MDGA2: variants seen among roughly 807,000 people sequenced by gnomAD.
MDGA2 encodes MAM domain containing glycosylphosphatidylinositol anchor 2.
A neutral mutation model predicts 117.8 loss-of-function variants in MDGA2; 40 were observed. The observed-to-expected ratio is 0.34, with a 90% CI of 0.26 to 0.44. The LOEUF (loss-of-function observed/expected upper bound fraction) is 0.44. MDGA2 is among the 20% of genes least tolerant of loss of function. MDGA2 has a pLI of 1.00. For missense variants in MDGA2, 1,123 were observed against 1,250.6 expected (o/e 0.90, Z 1.54); for synonymous variants, 452 against 439.0 (o/e 1.03, Z -0.37).
Position 46,976,863 on chromosome 14 carries a change from T to C in MDGA2, c.1820-19220A>G, listed in dbSNP as rs140134030. On this transcript the variant is annotated intron_variant, in intron 8 of 16. Coordinates refer to ENST00000399232, the MANE Select transcript of MDGA2 (RefSeq NM_001113498.3). ...TTCTTACTCATCTGCTCTCAAATTA[T>C]ATGCACCATTATTGAAACTAATGAG... Among the ~76,000 whole-genome samples, 579 of 152,078 alleles carry C rather than the reference T, an allele frequency of 3.8e-3. 8 individuals carry two copies. Among genetic ancestry groups the C allele is most frequent in the African/African-American group, 0.014 (568 of 41,552 alleles).
At chr14:47,227,176 C>T (rs1401027913) in intron 2 of MDGA2, among the ~76,000 whole-genome samples, 2 of 152,090 alleles carry the variant, frequency 1.3e-5, no homozygotes, top group Non-Finnish European at 2.9e-5. Flanking sequence ...TGTTACCTCA[C>T]TAGGACTTTT....
chr14:47,429,697 G>A (rs773582918), intron 1 of MDGA2, among the ~76,000 whole-genome samples: 1 of 151,872 alleles, frequency 6.6e-6, no homozygotes, highest in South Asian at 2.1e-4. Context: ...TTTATTCATT[G>A]TAAGACATTT....
At chr14:47,409,038 G>T (rs993372786) in intron 1 of MDGA2, among the ~76,000 whole-genome samples, 1 of 152,156 alleles carries the variant, frequency 6.6e-6, no homozygotes, top group African/African-American at 2.4e-5. Flanking sequence ...GGAGTGGATT[G>T]GTGGAAGACG....
chr14:47,091,561 A>G (rs921422043), intron 6 of MDGA2, among the ~76,000 whole-genome samples: 1 of 152,128 alleles, frequency 6.6e-6, no homozygotes, highest in Non-Finnish European at 1.5e-5. Flanking sequence ...AGCAAGTAAA[A>G]ATGGGAGTCA....
intron 1 of MDGA2, among the ~76,000 whole-genome samples, chr14:47,500,212 A>C (rs557406480): frequency 6.6e-6 from 1 of 152,114 alleles, no homozygotes; most frequent in African/African-American, 2.4e-5. Context: ...TGGATATTTT[A>C]AAAGTCTTTC....
chr14:47,566,627 G>A (rs1245306249), intron 1 of MDGA2, among the ~76,000 whole-genome samples: 1 of 152,104 alleles, frequency 6.6e-6, no homozygotes, highest in Non-Finnish European at 1.5e-5. Flanking sequence ...GACTTCTCCT[G>A]CCAGGGTTCC....
At chr14:47,122,382 A>AT (rs1184654917) in intron 5 of MDGA2, among the ~76,000 whole-genome samples, 3 of 151,890 alleles carry the variant, frequency 2.0e-5, no homozygotes, top group African/African-American at 4.8e-5. Flanking sequence ...TGGATAGTGG[A>AT]TTTTTTCATT....
intron 1 of MDGA2, among the ~76,000 whole-genome samples, chr14:47,321,609 T>C (rs1234324877): frequency 6.6e-6 from 1 of 152,034 alleles, no homozygotes; most frequent in Non-Finnish European, 1.5e-5. Flanking sequence ...TAATTAACAG[T>C]CACAGACTAC....
chr14:47,190,941 T>C (rs1191781979), intron 3 of MDGA2, among the ~76,000 whole-genome samples: 1 of 152,118 alleles, frequency 6.6e-6, no homozygotes, highest in East Asian at 1.9e-4. Context: ...GTTAGTGCAG[T>C]TTTTTTCTCT....
chr14:47,054,892 T>C (rs1889613703), intron 7 of MDGA2, among the ~76,000 whole-genome samples: 1 of 151,726 alleles, frequency 6.6e-6, no homozygotes, highest in Non-Finnish European at 1.5e-5. Context: ...GCTAAAACCA[T>C]AAAAACCCTA....
At position 47,557,896 on chromosome 14, in the gene MDGA2, A is replaced by G. The variant is rs1269340344; in HGVS notation, c.280+116621T>C. Among the ~76,000 whole-genome samples, 4 of 152,216 alleles carry G rather than the reference A, an allele frequency of 2.6e-5. No homozygotes were observed. In the East Asian group the frequency reaches 5.8e-4, roughly 22 times the overall value. ...ACTCACCTCTCCACATTGTTATATA[A>G]AAGAGCTTCAAACAGATCCATAAGA... On this transcript the variant is annotated intron_variant, in intron 1 of 16. Coordinates refer to ENST00000399232, the MANE Select transcript of MDGA2 (RefSeq NM_001113498.3).
chr14:47,166,160 C>T (rs1010609891), intron 3 of MDGA2, among the ~76,000 whole-genome samples: 17 of 151,590 alleles, frequency 1.1e-4, no homozygotes, highest in African/African-American at 3.6e-4. Context: ...CTCAGCCTCC[C>T]GAGTAGCTGG....
chr14:46,906,506 G>T (rs1394111243), intron 10 of MDGA2, among the ~76,000 whole-genome samples: 3 of 151,934 alleles, frequency 2.0e-5, no homozygotes, highest in Admixed American at 2.0e-4. Flanking sequence ...ACCTATCATG[G>T]CACTTTCTAG....
chr14:47,536,723 C>T (rs1290962884), intron 1 of MDGA2, among the ~76,000 whole-genome samples: 1 of 152,206 alleles, frequency 6.6e-6, no homozygotes, highest in African/African-American at 2.4e-5. Flanking sequence ...TGCACTACTA[C>T]TAACTTCTAT....
intron 15 of MDGA2, among the ~76,000 whole-genome samples, chr14:46,850,128 T>C (rs550466532): frequency 5.9e-5 from 9 of 152,014 alleles, no homozygotes; most frequent in African/African-American, 1.9e-4. Flanking sequence ...AAATTAACTT[T>C]TGGTAAGTAA....
intron 1 of MDGA2, among the ~76,000 whole-genome samples, chr14:47,665,358 G>A (rs1051434034): frequency 2.6e-5 from 4 of 152,048 alleles, no homozygotes; most frequent in Non-Finnish European, 5.9e-5. Flanking sequence ...TGATTTTACA[G>A]CACTTACTGA....
chr14:47,219,999 G>A (rs903408281), intron 2 of MDGA2, among the ~76,000 whole-genome samples: 7 of 151,850 alleles, frequency 4.6e-5, no homozygotes, highest in African/African-American at 1.7e-4. Flanking sequence ...AGCAAATATT[G>A]TTTATTGTAA....
At chr14:47,475,513 G>C (rs1893818204) in intron 1 of MDGA2, among the ~76,000 whole-genome samples, 1 of 151,998 alleles carries the variant, frequency 6.6e-6, no homozygotes, top group Non-Finnish European at 1.5e-5. Context: ...TCTATTATAA[G>C]GATACATGCA....
At chr14:47,346,244 A>T (rs963968016) in intron 1 of MDGA2, among the ~76,000 whole-genome samples, 21 of 152,148 alleles carry the variant, frequency 1.4e-4, no homozygotes, top group Non-Finnish European at 2.5e-4. Flanking sequence ...TTAAAAATTT[A>T]AAAACAAAAC....
Sources: gnomAD v4.1 joint callset for allele counts (sites outside exome capture counted in the v4.1 genomes callset) on GRCh38, gnomAD v4.1.1 for gene constraint, MANE v1.5 for transcripts, NCBI Gene and HGNC (gene_info 2026-07-23, HGNC 2026-07-21) for gene names.